MAN2A1: variants seen among roughly 807,000 people sequenced by gnomAD.
The protein encoded by MAN2A1 is alpha-mannosidase 2.
MAN2A1 carries 76 observed loss-of-function variants against 142.6 expected under a neutral mutation model. That is an observed-to-expected ratio of 0.53 (90% CI 0.44 to 0.65). MAN2A1 has a LOEUF of 0.65. Among genes scored for constraint, MAN2A1 ranks in the 30% least tolerant of loss-of-function variants. The pLI is 0.00. For missense variants in MAN2A1, 1,311 were observed against 1,365.1 expected (o/e 0.96, Z 0.62); for synonymous variants, 559 against 473.2 (o/e 1.18, Z -2.35).
chr5:109,715,333 G>A (rs898782378), intron 2 of MAN2A1, among the ~76,000 whole-genome samples: 1 of 126,654 alleles, frequency 7.9e-6, no homozygotes, highest in Non-Finnish European at 1.8e-5. Flanking sequence ...GATTTTTGCA[G>A]TCTAGTTTTA....
chr5:109,752,471 C>G (rs549180044), intron 4 of MAN2A1, among the ~76,000 whole-genome samples: 68 of 152,320 alleles, frequency 4.5e-4, no homozygotes, highest in African/African-American at 1.5e-3. Flanking sequence ...AAAACACATT[C>G]TAGTCCATGC....
At chr5:109,723,061 T>C (rs1177918190) in intron 3 of MAN2A1, among the ~76,000 whole-genome samples, 4 of 152,154 alleles carry the variant, frequency 2.6e-5, no homozygotes, top group Non-Finnish European at 5.9e-5. Flanking sequence ...GCAGGTCTTC[T>C]AAGGGGCACT....
chr5:109,691,373 A>G (rs989932208), intron 1 of MAN2A1, among the ~76,000 whole-genome samples: 3 of 152,334 alleles, frequency 2.0e-5, no homozygotes, highest in Non-Finnish European at 4.4e-5. Context: ...TTACTTGCCA[A>G]TATAACCCGT....
intron 3 of MAN2A1, among the ~76,000 whole-genome samples, chr5:109,721,770 A>G (rs1169189592): frequency 6.6e-6 from 1 of 152,208 alleles, no homozygotes. Flanking sequence ...TTAGATGATC[A>G]TTAAATAGCT....
At chr5:109,759,962 T>TAGATAGATAG (rs1554076303) in intron 5 of MAN2A1, among the ~76,000 whole-genome samples, 1 of 49,450 alleles carries the variant, frequency 2.0e-5, no homozygotes, top group African/African-American at 1.5e-4. Context: ...TATATATATA[T>TAGATAGATAG]ATAGATAGAT....
chr5:109,866,622 G>C (rs969117564), intron 21 of MAN2A1, among the ~76,000 whole-genome samples: 1 of 152,096 alleles, frequency 6.6e-6, no homozygotes, highest in African/African-American at 2.4e-5. Flanking sequence ...GTATGTTCAA[G>C]CATGTATATA....
chr5:109,855,075 A>G (rs1755571183), intron 19 of MAN2A1, 65 bp from the exon 20 acceptor site: 2 of 792,474 alleles, frequency 2.5e-6, no homozygotes, highest in African/African-American at 3.6e-5. Context: ...CTCTCAGATA[A>G]TTCTGTTAAT....
intron 17 of MAN2A1, among the ~76,000 whole-genome samples, chr5:109,844,941 G>A (rs1398330745): frequency 1.3e-5 from 2 of 152,180 alleles, no homozygotes; most frequent in Non-Finnish European, 2.9e-5. Context: ...ATTTGAGAGA[G>A]GGAGGCATTA....
At chr5:109,735,792 A>G (rs1752074885) in intron 4 of MAN2A1, among the ~76,000 whole-genome samples, 1 of 152,022 alleles carries the variant, frequency 6.6e-6, no homozygotes, top group East Asian at 1.9e-4. Flanking sequence ...CCATCAAAAA[A>G]GTAATCTTTT....
At chr5:109,736,816 A>G (rs1752113616) in intron 4 of MAN2A1, among the ~76,000 whole-genome samples, 1 of 151,604 alleles carries the variant, frequency 6.6e-6, no homozygotes, top group South Asian at 2.1e-4. Flanking sequence ...AATTCCTTCT[A>G]CTCACTTTCA....
intron 12 of MAN2A1, among the ~76,000 whole-genome samples, chr5:109,810,294 A>C (rs1342667341): frequency 1.3e-5 from 2 of 152,170 alleles, no homozygotes; most frequent in East Asian, 3.9e-4. Flanking sequence ...CATAAAATTT[A>C]GAGAGACTCT....
intron 16 of MAN2A1, among the ~76,000 whole-genome samples, chr5:109,829,833 G>T (rs989696368): frequency 3.3e-5 from 5 of 152,192 alleles, no homozygotes; most frequent in African/African-American, 1.2e-4. Context: ...GTTAGAGCAG[G>T]AGCAAACTTA....
chr5:109,793,699 A>C (rs1299735594), intron 12 of MAN2A1, among the ~76,000 whole-genome samples: 1 of 152,170 alleles, frequency 6.6e-6, no homozygotes, highest in Non-Finnish European at 1.5e-5. Flanking sequence ...GAGACCTGAA[A>C]AATTTCAGAT....
At chr5:109,847,435 A>T (rs1200390559) in intron 18 of MAN2A1, among the ~76,000 whole-genome samples, 2 of 152,196 alleles carry the variant, frequency 1.3e-5, no homozygotes, top group African/African-American at 4.8e-5. Flanking sequence ...AAACATTACT[A>T]AAGAAACACA....
At chr5:109,839,813 G>C (rs184928591) in intron 16 of MAN2A1, among the ~76,000 whole-genome samples, 106 of 152,196 alleles carry the variant, frequency 7.0e-4, no homozygotes, top group African/African-American at 2.5e-3. Context: ...TGAAAATTCT[G>C]ATCCTAGAGG....
chr5:109,819,544 G>A (rs1754564597), intron 13 of MAN2A1, 125 bp from the exon 14 acceptor site: 2 of 529,264 alleles, frequency 3.8e-6, no homozygotes, highest in East Asian at 6.6e-5. Flanking sequence ...TGTGGATATG[G>A]AGGGCCAACT....
At chr5:109,762,920 G>T (rs1369911525) in intron 5 of MAN2A1, among the ~76,000 whole-genome samples, 1 of 152,174 alleles carries the variant, frequency 6.6e-6, no homozygotes, top group South Asian at 2.1e-4. Flanking sequence ...ATAATATTCT[G>T]ATGAGCAAAG....
At chr5:109,749,859 G>A (rs2112619364) in intron 4 of MAN2A1, among the ~76,000 whole-genome samples, 1 of 152,098 alleles carries the variant, frequency 6.6e-6, no homozygotes, top group South Asian at 2.1e-4. Context: ...GGAAGTGCCT[G>A]TATTCATTCT....
intron 4 of MAN2A1, among the ~76,000 whole-genome samples, chr5:109,736,100 G>A (rs530253340): frequency 4.6e-5 from 7 of 151,848 alleles, no homozygotes; most frequent in East Asian, 1.9e-4. Context: ...AAAATATTAC[G>A]TAAAATACCT....
Sources: allele counts gnomAD v4.1 joint callset (sites outside exome capture counted in the v4.1 genomes callset), GRCh38; gene constraint gnomAD v4.1.1; transcripts MANE v1.5; gene names NCBI Gene and HGNC (gene_info 2026-07-23, HGNC 2026-07-21).